The following C12orf42 variants were observed in gnomAD, a reference collection of about 807,000 sequenced individuals.
C12orf42 encodes the protein chromosome 12 open reading frame 42, also known as uncharacterized protein C12orf42.
Under a neutral mutation model 21.6 loss-of-function variants are expected in C12orf42, and 25 were observed. The ratio of observed to expected loss-of-function variants is 1.16; its 90% CI spans 0.84 to 1.62. The LOEUF is 1.62. Ranked by LOEUF, C12orf42 falls within the 40% of genes most tolerant of loss-of-function variation. The pLI is 0.00. For synonymous variants in C12orf42, 174 were observed against 175.0 expected (o/e 0.99, Z 0.05); for missense variants, 483 against 459.3 (o/e 1.05, Z -0.47).
the C12orf42 span, among the ~76,000 whole-genome samples, chr12:103,182,107 G>A: frequency 1.3e-5 from 2 of 152,104 alleles, no homozygotes; most frequent in Non-Finnish European, 2.9e-5. Flanking sequence ...AGAATTACAC[G>A]GCTGGTCTTT....
At chr12:103,182,476 A>G in the C12orf42 span, among the ~76,000 whole-genome samples, 1 of 152,346 alleles carries the variant, frequency 6.6e-6, no homozygotes, top group East Asian at 1.9e-4. Flanking sequence ...TCAAGAGAAC[A>G]GTGTTTACTC....
At chr12:103,142,528 T>A in the C12orf42 span, among the ~76,000 whole-genome samples, 1 of 152,208 alleles carries the variant, frequency 6.6e-6, no homozygotes, top group Non-Finnish European at 1.5e-5. Context: ...TTTGGTAGAC[T>A]TAATTTTCAC....
At chr12:103,368,243 A>G (rs2044805186) in intron 4 of C12orf42, 1 of 422,622 alleles carries the variant, frequency 2.4e-6, no homozygotes, top group Non-Finnish European at 4.6e-6. Flanking sequence ...TCCTGTATCA[A>G]TTTATTTAGG....
chr12:103,164,447 G>C, the C12orf42 span: 3 of 455,788 alleles, frequency 6.6e-6, no homozygotes, highest in African/African-American at 6.0e-5. Flanking sequence ...GGTAAGTTCT[G>C]AGCAAATAGG....
At chr12:103,492,791 A>T (rs890650231) in intron 1 of C12orf42, among the ~76,000 whole-genome samples, 3 of 152,146 alleles carry the variant, frequency 2.0e-5, no homozygotes, top group Non-Finnish European at 4.4e-5. Flanking sequence ...GGCCACCTCA[A>T]CAACAGTTCA....
intron 4 of C12orf42, among the ~76,000 whole-genome samples, chr12:103,282,050 C>A (rs551125169): frequency 6.6e-6 from 1 of 152,250 alleles, no homozygotes; most frequent in South Asian, 2.1e-4. Context: ...GTTATATGAA[C>A]CAATAACCTT....
the C12orf42 span, among the ~76,000 whole-genome samples, chr12:103,067,602 C>A: frequency 1.3e-5 from 2 of 152,126 alleles, no homozygotes. Flanking sequence ...GAAGTGGCAC[C>A]ACTCACCATC....
At chr12:103,067,764 G>T in the C12orf42 span, among the ~76,000 whole-genome samples, 1 of 152,176 alleles carries the variant, frequency 6.6e-6, no homozygotes, top group East Asian at 1.9e-4. Context: ...TAAACTAGAA[G>T]TTATGATTGC....
intron 2 of C12orf42, among the ~76,000 whole-genome samples, chr12:103,406,378 C>T (rs1446396741): frequency 6.6e-6 from 1 of 152,074 alleles, no homozygotes; most frequent in African/African-American, 2.4e-5. Context: ...TAGCTGAAGC[C>T]CTGGAAATAG....
At chr12:103,091,326 T>C in the C12orf42 span, among the ~76,000 whole-genome samples, 1 of 151,938 alleles carries the variant, frequency 6.6e-6, no homozygotes, top group Non-Finnish European at 1.5e-5. Context: ...ACTGTCTGGC[T>C]CTTGAATCAG....
chr12:103,488,965 T>G (rs1033963152), intron 1 of C12orf42, among the ~76,000 whole-genome samples: 3 of 152,262 alleles, frequency 2.0e-5, no homozygotes, highest in Non-Finnish European at 4.4e-5. Flanking sequence ...ATCAAAGTCA[T>G]TCTCCAACCA....
At chr12:103,378,055 G>T (rs1198381540) in intron 3 of C12orf42, among the ~76,000 whole-genome samples, 1 of 152,072 alleles carries the variant, frequency 6.6e-6, no homozygotes, top group Admixed American at 6.5e-5. Context: ...GGGGTAAATG[G>T]AAGAAGCTAC....
At chr12:103,363,843 A>G (rs752337869) in intron 4 of C12orf42, among the ~76,000 whole-genome samples, 3 of 152,164 alleles carry the variant, frequency 2.0e-5, no homozygotes, top group Non-Finnish European at 4.4e-5. Context: ...CAAATTTATA[A>G]TACAGTTACT....
the C12orf42 span, among the ~76,000 whole-genome samples, chr12:103,525,082 A>G: frequency 6.6e-6 from 1 of 152,186 alleles, no homozygotes; most frequent in Admixed American, 6.5e-5. Context: ...CAGTGGCACA[A>G]TCTCGGCTCA....
downstream of C12orf42, among the ~76,000 whole-genome samples, chr12:103,237,329 CCTAA>C (rs1209736150): frequency 1.3e-5 from 2 of 152,074 alleles, no homozygotes; most frequent in African/African-American, 4.8e-5. Context: ...GGATATCAAA[CCTAA>C]CTGAGATGAC....
chr12:103,231,901 G>A, the C12orf42 span, among the ~76,000 whole-genome samples: 2 of 152,162 alleles, frequency 1.3e-5, no homozygotes, highest in African/African-American at 4.8e-5. Flanking sequence ...GTCTTCCAAA[G>A]TGGCTGTACC....
At chr12:103,277,114 A>C (rs1000186429) in intron 5 of C12orf42, 4 of 455,612 alleles carry the variant, frequency 8.8e-6, no homozygotes, top group African/African-American at 2.0e-5. Context: ...AAATTCAACA[A>C]CTTACGCTAG....
the C12orf42 span, among the ~76,000 whole-genome samples, chr12:103,512,616 A>G: frequency 1.3e-5 from 2 of 152,194 alleles, no homozygotes; most frequent in Non-Finnish European, 2.9e-5. Flanking sequence ...TTTTCTCAAG[A>G]AAAAGAACAT....
chr12:103,454,736 T>G (rs1219579311), intron 2 of C12orf42, among the ~76,000 whole-genome samples: 1 of 152,132 alleles, frequency 6.6e-6, no homozygotes, highest in African/African-American at 2.4e-5. Context: ...ATCATCAGCT[T>G]GTTTCTTGGT....
Sources: gnomAD v4.1 joint callset for allele counts (sites outside exome capture counted in the v4.1 genomes callset) on GRCh38, gnomAD v4.1.1 for gene constraint, MANE v1.5 for transcripts, NCBI Gene and HGNC (gene_info 2026-07-23, HGNC 2026-07-21) for gene names.